The following TUSC3 variants were observed in gnomAD, a reference collection of about 807,000 sequenced individuals.
TUSC3 encodes tumor suppressor candidate 3, also known as dolichyl-diphosphooligosaccharide--protein glycosyltransferase subunit TUSC3.
Under a neutral mutation model 44.8 loss-of-function variants are expected in TUSC3, and 45 were observed. That is an observed-to-expected ratio of 1.00 (90% CI 0.79 to 1.29). The LOEUF (loss-of-function observed/expected upper bound fraction) is 1.29. TUSC3 is among the 50% of genes most tolerant of loss of function. The pLI, the probability that TUSC3 is intolerant of heterozygous loss-of-function variation, is 0.00. For synonymous variants in TUSC3, 212 were observed against 152.9 expected (o/e 1.39, Z -2.85); for missense variants, 519 against 437.9 (o/e 1.19, Z -1.65).
At chr8:15,469,995 C>G (rs1054576393) in intron 1 of TUSC3, among the ~76,000 whole-genome samples, 68 of 152,162 alleles carry the variant, frequency 4.5e-4, no homozygotes, top group African/African-American at 1.6e-3. Flanking sequence ...GTGGCTTACG[C>G]CTGTAATCCC....
At chr8:15,575,944 T>C (rs1386971521) in intron 1 of TUSC3, among the ~76,000 whole-genome samples, 2 of 148,458 alleles carry the variant, frequency 1.3e-5, no homozygotes, top group Non-Finnish European at 3.0e-5. Context: ...TTATGGTTTA[T>C]ATATTCAATA....
At chr8:15,453,538 C>G (rs1226827852) in intron 1 of TUSC3, among the ~76,000 whole-genome samples, 1 of 152,200 alleles carries the variant, frequency 6.6e-6, no homozygotes, top group Non-Finnish European at 1.5e-5. Flanking sequence ...TTTATCAAAT[C>G]ACTTTCTTCT....
chr8:15,473,792 C>G (rs574617615), intron 1 of TUSC3, among the ~76,000 whole-genome samples: 2 of 152,236 alleles, frequency 1.3e-5, no homozygotes, highest in Non-Finnish European at 1.5e-5. Flanking sequence ...GGAAACAGGA[C>G]AAGGCAAAAC....
chr8:15,671,301 C>T (rs764361039), intron 5 of TUSC3, among the ~76,000 whole-genome samples: 3 of 151,732 alleles, frequency 2.0e-5, no homozygotes, highest in Admixed American at 1.3e-4. Context: ...TGAATCATGC[C>T]CTTTTTTGTA....
At chr8:15,683,519 C>G (rs1469739400) in intron 6 of TUSC3, among the ~76,000 whole-genome samples, 2 of 151,898 alleles carry the variant, frequency 1.3e-5, no homozygotes, top group African/African-American at 4.8e-5. Context: ...CTTACTATAT[C>G]TTTGTTGTAT....
chr8:15,583,499 A>T (rs576480830), intron 1 of TUSC3, among the ~76,000 whole-genome samples: 3 of 152,232 alleles, frequency 2.0e-5, no homozygotes, highest in African/African-American at 7.2e-5. Flanking sequence ...CCTTTGAATT[A>T]TAAAAATGTG....
At chr8:15,819,116 T>A in the TUSC3 span, among the ~76,000 whole-genome samples, 1 of 152,080 alleles carries the variant, frequency 6.6e-6, no homozygotes, top group Admixed American at 6.5e-5. Context: ...TTGATTCTAG[T>A]GCTTATTTTT....
chr8:15,801,475 T>C, the TUSC3 span, among the ~76,000 whole-genome samples: 1 of 152,180 alleles, frequency 6.6e-6, no homozygotes, highest in African/African-American at 2.4e-5. Context: ...CCATTGCTAT[T>C]TTTGTTAAAA....
the TUSC3 span, among the ~76,000 whole-genome samples, chr8:15,777,553 T>G: frequency 1.4e-4 from 21 of 152,326 alleles, no homozygotes; most frequent in East Asian, 3.3e-3. Flanking sequence ...ATCTCTGAAT[T>G]GAAGCAGATA....
the TUSC3 span, among the ~76,000 whole-genome samples, chr8:15,781,608 G>A: frequency 1.3e-4 from 20 of 152,004 alleles, no homozygotes; most frequent in African/African-American, 4.8e-4. Context: ...AAAAGAAAAT[G>A]GAATCAGAAT....
At chr8:15,637,422 CGTCTTTT>C (rs1806132250) in intron 2 of TUSC3, among the ~76,000 whole-genome samples, 1 of 151,874 alleles carries the variant, frequency 6.6e-6, no homozygotes, top group Non-Finnish European at 1.5e-5. Context: ...TGTGATATAT[CGTCTTTT>C]GTTTTTTATT....
chr8:15,493,584 G>C (rs920239531), intron 2 of TUSC3, among the ~76,000 whole-genome samples: 1 of 152,094 alleles, frequency 6.6e-6, no homozygotes, highest in Admixed American at 6.5e-5. Flanking sequence ...TTAATAAAAA[G>C]AATTAGCAAA....
intron 1 of TUSC3, among the ~76,000 whole-genome samples, chr8:15,422,625 A>G (rs1309700419): frequency 6.6e-6 from 1 of 152,066 alleles, no homozygotes; most frequent in Non-Finnish European, 1.5e-5. Flanking sequence ...TAATGCATCT[A>G]GTTTTTGGTT....
At chr8:15,749,108 C>G (rs1811577803) in intron 9 of TUSC3, among the ~76,000 whole-genome samples, 1 of 120,494 alleles carries the variant, frequency 8.3e-6, no homozygotes, top group Non-Finnish European at 1.7e-5. Context: ...TTTCCTCCTT[C>G]AAGTTTTCTT....
At chr8:15,460,952 C>G (rs913195369) in intron 1 of TUSC3, among the ~76,000 whole-genome samples, 2 of 152,172 alleles carry the variant, frequency 1.3e-5, no homozygotes, top group Non-Finnish European at 2.9e-5. Context: ...AGTTTGAAAT[C>G]AGGTAGTGTG....
At chr8:15,748,286 A>G in intron 8 of TUSC3, 89 bp from the exon 9 acceptor site, 1 of 951,490 alleles carries the variant, frequency 1.1e-6, no homozygotes, top group Non-Finnish European at 1.7e-6. Context: ...ATGTAAGTAT[A>G]CTGTAATTGA....
the TUSC3 span, among the ~76,000 whole-genome samples, chr8:15,839,768 C>T: frequency 1.3e-5 from 2 of 152,166 alleles, no homozygotes; most frequent in African/African-American, 4.8e-5. Context: ...AACACTTTTA[C>T]ACTGTTGGTA....
At chr8:15,706,532 T>TA (rs1249968318) in intron 6 of TUSC3, among the ~76,000 whole-genome samples, 14 of 152,032 alleles carry the variant, frequency 9.2e-5, no homozygotes, top group African/African-American at 2.4e-4. Flanking sequence ...TATGAATACT[T>TA]AAAAAGGGTT....
the TUSC3 span, among the ~76,000 whole-genome samples, chr8:15,775,067 G>A: frequency 8.0e-3 from 1,215 of 152,248 alleles, 5 homozygotes; most frequent in Middle Eastern, 0.02. Flanking sequence ...CAACCCAGAT[G>A]TTCATCAGCT....
Sources: gnomAD v4.1 joint callset for allele counts (sites outside exome capture counted in the v4.1 genomes callset) on GRCh38, gnomAD v4.1.1 for gene constraint, MANE v1.5 for transcripts, NCBI Gene and HGNC (gene_info 2026-07-23, HGNC 2026-07-21) for gene names.